The following ARHGEF2 variants were observed in gnomAD, a reference collection of about 807,000 sequenced individuals.
The protein encoded by ARHGEF2 is rho guanine nucleotide exchange factor 2.
In ARHGEF2, 22 loss-of-function variants were observed where a neutral mutation model predicts 121.0. The ratio of observed to expected loss-of-function variants is 0.18; its 90% CI spans 0.13 to 0.26. The LOEUF is 0.26. Among genes scored for constraint, ARHGEF2 ranks in the 10% least tolerant of loss-of-function variants. The pLI is 1.00. For synonymous variants in ARHGEF2, 487 were observed against 530.0 expected, an observed-to-expected ratio of 0.92 and a Z score of 1.11; for missense variants, 907 against 1,336.0, an observed-to-expected ratio of 0.68 and a Z score of 5.01.
At chr1:155,973,724 T>TG (rs1347303311) in intron 1 of ARHGEF2, among the ~76,000 whole-genome samples, 1 of 148,720 alleles carries the variant, frequency 6.7e-6, no homozygotes, top group Non-Finnish European at 1.5e-5. Context: ...CCAGCCTGGG[T>TG]GACAGAGCGA....
Position 155,950,541 on chromosome 1 carries a change from G to T in ARHGEF2, c.2704-59C>A. 1 of 1,559,402 alleles carries T rather than the reference G, an allele frequency of 6.4e-7. No individual in the cohort carries two copies. Among genetic ancestry groups the T allele is most frequent in the Non-Finnish European group, 8.8e-7 (1 of 1,137,682 alleles). ...GGGACTGAGTAGTGTGAAGATTGGA[G>T]GTTCTGCTTGGCTGAAGGCAGCAGC... On this transcript the variant is annotated intron_variant, in intron 20 of 21. Coordinates refer to ENST00000361247, the MANE Select transcript of ARHGEF2 (RefSeq NM_001162383.2). The surrounding 1 kb of genome is among the most constrained non-coding windows in gnomAD (Gnocchi z 5.2).
chr1:155,963,011 T>A lies in ARHGEF2; in HGVS notation c.897A>T (p.Glu299Asp), dbSNP rs769903216. 3.7e-6 allele frequency: 6 copies of A among 1,614,078 alleles called. No homozygotes were observed. In the South Asian group the frequency reaches 6.6e-5, roughly 18 times the overall value. Residue 299 changes from glutamate (E) to aspartate (D), a missense_variant, in exon 8 of 22, where the codon GAA becomes GAT. By Grantham distance (45) the Glu-to-Asp change is conservative. Around this residue, in one of 2 missense-constraint regions of ARHGEF2, gnomAD observed 475 missense variants for 776.5 expected, o/e 0.61. Coordinates refer to ENST00000361247, the MANE Select transcript of ARHGEF2 (RefSeq NM_001162383.2). ...IHTRFLSQLL[E>D]RRRQALCPGS... ...CAGGGCACAGGGCCTGGCGTCGGCG[T>A]TCTAATAGCTGGCTGAGGAAGCGTG...
Position 155,965,124 on chromosome 1 carries a change from T to G in ARHGEF2, c.588A>C (p.Val196=). 1 of 1,614,100 alleles carries G rather than the reference T, an allele frequency of 6.2e-7. No individual in the cohort carries two copies. The part of the protein sequence containing the change: ...SVESLIDEAE[V]IYSELMSDFE... ...AGTCACTCATCAGCTCACTGTAGAT[T>G]ACCTCTGCTGGACATTAGCAGGGCA... The change falls in exon 7 of 22, where the codon GTA becomes GTC. Residue 196 remains valine, a synonymous_variant. Coordinates refer to ENST00000361247, the MANE Select transcript of ARHGEF2 (RefSeq NM_001162383.2). The surrounding 1 kb of genome is among the most constrained non-coding windows in gnomAD (Gnocchi z 6.0).
rs1677860343 is a variant in ARHGEF2, at chr1:155,961,313, C to CA, written c.1468+347dup. On this transcript the variant is annotated intron_variant, in intron 11 of 21. Transcript: ENST00000361247. The surrounding 1 kb of genome is among the most constrained non-coding windows in gnomAD (Gnocchi z 4.7). ...TTTTTGAGATGGAGTCTTGCTGTGT[C>CA]ACCCAGGCTAGAGTGCAGTGGTGCA... 7.1e-6 allele frequency among the ~76,000 whole-genome samples: 1 copy of CA among 141,380 alleles called. No individual in the cohort carries two copies. The highest frequency in any genetic ancestry group is 2.7e-5 in the African/African-American group (1 of 37,712). The allele number at this position is 141,380 out of a possible 152,430, so 92.8% of individuals were successfully genotyped here.
Position 155,952,127 on chromosome 1 carries a change from C to A in ARHGEF2, c.2093G>T (p.Gly698Val). The change falls in exon 16 of 22, where the codon GGG becomes GTG. Residue 698 changes from glycine (G) to valine (V), a missense_variant. This residue lies in a region of ARHGEF2 where 432 missense variants were observed against 559.5 expected (regional missense o/e 0.77). Transcript: ENST00000361247. ...GCCCTGGTACTCACTGGCAGTGACC[C>A]CAGGACTCGTGTTACCACCGCTGTC... The part of the protein sequence containing the change: ...EPDSGGNTSP[G>V]VTANGEARTF... The A allele has an allele frequency of 6.2e-7, 1 of 1,614,124 alleles. No individual in the cohort carries two copies. The highest frequency in any genetic ancestry group is 8.5e-7 in the Non-Finnish European group (1 of 1,180,010).
chr1:155,973,074 C>T (rs772120373), intron 1 of ARHGEF2, among the ~76,000 whole-genome samples: 18 of 152,108 alleles, frequency 1.2e-4, no homozygotes, highest in Non-Finnish European at 2.5e-4. Flanking sequence ...TTCATCCACA[C>T]TACTGCTACA....
At chr1:155,972,608 G>C in intron 1 of ARHGEF2, among the ~76,000 whole-genome samples, 1 of 151,744 alleles carries the variant, frequency 6.6e-6, no homozygotes, top group Admixed American at 6.6e-5. Flanking sequence ...AAGAAAAAGG[G>C]CCCATTACTC....
chr1:155,955,074 A>AT, intron 13 of ARHGEF2, 105 bp from the exon 14 acceptor site: 2 of 883,892 alleles, frequency 2.3e-6, no homozygotes, highest in South Asian at 3.2e-5. Context: ...CCATCTTCTG[A>AT]TAAGACTCCT....
rs550477681 is a variant in ARHGEF2 at position 155,946,911 on chromosome 1, A to G, written c.*1031T>C. On this transcript the variant is annotated 3_prime_UTR_variant, in exon 22 of 22. Coordinates refer to ENST00000361247, the MANE Select transcript of ARHGEF2 (RefSeq NM_001162383.2). ...TTTTTTTTAAACAACAAAATTGGCA[A>G]GAAGAAAATTCTTCGACATTTGGGG... The G allele has an allele frequency of 2.0e-5, 3 of 153,504 alleles. No homozygotes were observed. The highest frequency in any genetic ancestry group is 4.8e-5 in the African/African-American group (2 of 41,416). 9.5% of individuals were successfully genotyped at this position (153,504 alleles called of 1,614,324 possible).
intron 16 of ARHGEF2, 53 bp from the exon 17 acceptor site, chr1:155,952,039 C>T: frequency 6.2e-7 from 1 of 1,614,002 alleles, no homozygotes; most frequent in East Asian, 2.2e-5. Context: ...GGCCCTGATA[C>T]CACTTGATCC....
chr1:155,977,936 C>A (rs940505682), intron 1 of ARHGEF2: 5 of 288,860 alleles, frequency 1.7e-5, no homozygotes, highest in African/African-American at 4.5e-5. Context: ...ACCAAGCCAG[C>A]GATTGGGGAG....
intron 2 of ARHGEF2, among the ~76,000 whole-genome samples, chr1:155,967,308 T>C (rs368431955): frequency 6.6e-6 from 1 of 152,016 alleles, no homozygotes; most frequent in East Asian, 1.9e-4. Flanking sequence ...AGAGGGGAAA[T>C]TTACATTCCC....
intron 1 of ARHGEF2, among the ~76,000 whole-genome samples, chr1:155,971,717 A>G (rs1680500084): frequency 6.6e-6 from 1 of 151,442 alleles, no homozygotes; most frequent in Non-Finnish European, 1.5e-5. Context: ...CCTTCTATAT[A>G]ACTCAAACCA....
intron 1 of ARHGEF2, chr1:155,971,118 A>G (rs1680372619): frequency 1.0e-6 from 1 of 984,906 alleles, no homozygotes; most frequent in Non-Finnish European, 1.2e-6. Context: ...CTGCTCCTCT[A>G]CCTAGGCTTA....
chr1:155,952,031 C>A (rs751417915), intron 16 of ARHGEF2, 45 bp from the exon 17 acceptor site: 37 of 1,613,800 alleles, frequency 2.3e-5, no homozygotes, highest in Non-Finnish European at 8.5e-7. Flanking sequence ...TTCCCTGGGG[C>A]CCTGATACCA....
rs1036630226 is a variant in ARHGEF2 at position 155,950,174 on chromosome 1, G to A, written c.2887+125C>T. On this transcript the variant is annotated intron_variant, in intron 21 of 21. Transcript: ENST00000361247. This position sits in a 1 kb window ranked among gnomAD's most constrained non-coding sequence, Gnocchi z 5.2. ...ACCCATTCATCATCAGACAAAACAG[G>A]AAGTCCCTCCCTAGAGTTACTACAA... is the stretch of plus-strand genomic sequence containing the variant. 6.7e-6 allele frequency: 8 copies of A among 1,190,408 alleles called. No individual in the cohort carries two copies. Among genetic ancestry groups the A allele is most frequent in the African/African-American group, 1.5e-5 (1 of 65,862 alleles). 73.7% of individuals were successfully genotyped at this position (1,190,408 alleles called of 1,614,324 possible). A position where few individuals can be genotyped will look rare whatever the true frequency, so the allele number is the denominator to read the frequency against.
intron 1 of ARHGEF2, among the ~76,000 whole-genome samples, chr1:155,976,722 C>G (rs559942704): frequency 1.9e-3 from 281 of 151,530 alleles, no homozygotes; most frequent in Non-Finnish European, 2.5e-3. Flanking sequence ...CCCCCGCCCC[C>G]CTTGGCTCTA....
chr1:155,951,691 A>T lies in ARHGEF2; in HGVS notation c.2208+50T>A. 1 of 1,613,750 alleles carries T rather than the reference A, an allele frequency of 6.2e-7. No homozygotes were observed. Among genetic ancestry groups the T allele is most frequent in the Non-Finnish European group, 8.5e-7 (1 of 1,179,724 alleles). On this transcript the variant is annotated intron_variant, in intron 18 of 21. Coordinates refer to ENST00000361247, the MANE Select transcript of ARHGEF2 (RefSeq NM_001162383.2). The surrounding 1 kb of genome is among the most constrained non-coding windows in gnomAD (Gnocchi z 5.1). ...TCCAAACTGGGCTCTAACTACTCAG[A>T]CTAAGAACATCCTCCCTTCAGTCTC...
chr1:155,972,431 A>G (rs563755408), intron 1 of ARHGEF2: 6 of 389,512 alleles, frequency 1.5e-5, no homozygotes, highest in Non-Finnish European at 3.2e-5. Flanking sequence ...ATGGAAGGAC[A>G]TAGGGCCTGC....
Sources: allele counts gnomAD v4.1 joint callset (sites outside exome capture counted in the v4.1 genomes callset), GRCh38; gene constraint gnomAD v4.1.1; regional missense constraint gnomAD v4.1.1; non-coding constraint Gnocchi (gnomAD v3.1); transcripts MANE v1.5; gene names NCBI Gene and HGNC (gene_info 2026-07-23, HGNC 2026-07-21).